Variants in SLC26A4 observed in about 807,000 individuals in gnomAD.
The protein encoded by SLC26A4 is solute carrier family 26 member 4.
SLC26A4 carries 93 observed loss-of-function variants against 90.4 expected under a neutral mutation model. The ratio of observed to expected loss-of-function variants is 1.03; its 90% CI spans 0.87 to 1.22. The LOEUF (loss-of-function observed/expected upper bound fraction) is 1.22, where lower values mean the gene tolerates loss of function less well. SLC26A4 is among the 50% of genes most tolerant of loss of function. The pLI is 0.00. For missense variants in SLC26A4, 1,127 were observed against 946.2 expected (o/e 1.19, Z -2.51); for synonymous variants, 393 against 354.6 (o/e 1.11, Z -1.22).
At chr7:107,676,216 A>C (rs1171135602) in intron 6 of SLC26A4, among the ~76,000 whole-genome samples, 1 of 152,212 alleles carries the variant, frequency 6.6e-6, no homozygotes, top group South Asian at 2.1e-4. Flanking sequence ...TATATGCCTC[A>C]TTGGATTGTT....
intron 10 of SLC26A4, among the ~76,000 whole-genome samples, chr7:107,692,475 T>A (rs1046946430): frequency 1.3e-5 from 2 of 152,204 alleles, no homozygotes; most frequent in African/African-American, 4.8e-5. Flanking sequence ...CCTTAGCACA[T>A]ACTTGTAAAT....
At chr7:107,690,385 C>T in intron 10 of SLC26A4, 148 bp downstream of exon 10, 1 of 672,490 alleles carries the variant, frequency 1.5e-6, no homozygotes, top group Admixed American at 2.2e-5. Flanking sequence ...TCCTCTTGTT[C>T]CACTCCCTCA....
intron 13 of SLC26A4, among the ~76,000 whole-genome samples, chr7:107,697,829 A>T (rs1057294266): frequency 1.3e-5 from 2 of 152,206 alleles, no homozygotes; most frequent in Non-Finnish European, 2.9e-5. Context: ...TCTCTCAGCC[A>T]TCAGAAGAGA....
At chr7:107,666,849 G>A (rs901147293) in intron 3 of SLC26A4, among the ~76,000 whole-genome samples, 2 of 152,142 alleles carry the variant, frequency 1.3e-5, no homozygotes, top group South Asian at 2.1e-4. Context: ...AAACTCATTT[G>A]CCTCACCCTA....
At chr7:107,696,466 G>A (rs140637596) in intron 13 of SLC26A4, among the ~76,000 whole-genome samples, 40 of 152,280 alleles carry the variant, frequency 2.6e-4, no homozygotes, top group African/African-American at 8.9e-4. Context: ...TAAGGCGCTC[G>A]GCCCCAGGCT....
intron 4 of SLC26A4, 80 bp from the exon 5 acceptor site, chr7:107,674,084 A>G (rs1790945466): frequency 1.0e-5 from 14 of 1,362,574 alleles, no homozygotes; most frequent in Middle Eastern, 2.2e-4. Context: ...AATCTTTTAT[A>G]CATTTTTTAA....
chr7:107,712,167 C>T (rs1190353195), intron 19 of SLC26A4, among the ~76,000 whole-genome samples: 1 of 152,196 alleles, frequency 6.6e-6, no homozygotes, highest in Non-Finnish European at 1.5e-5. Flanking sequence ...ACAAGCTCTT[C>T]ACTGTGCATT....
intron 6 of SLC26A4, among the ~76,000 whole-genome samples, chr7:107,677,589 A>T (rs2129312632): frequency 6.6e-6 from 1 of 151,512 alleles, no homozygotes; most frequent in African/African-American, 2.4e-5. Flanking sequence ...TCAAATCCTC[A>T]GTTTTCTATT....
At chr7:107,711,389 A>G (rs1397713411) in intron 19 of SLC26A4, among the ~76,000 whole-genome samples, 2 of 152,132 alleles carry the variant, frequency 1.3e-5, no homozygotes. Context: ...TCTTACTAAG[A>G]TTTTAGGCTA....
intron 10 of SLC26A4, among the ~76,000 whole-genome samples, chr7:107,692,738 CTT>C (rs1791609204): frequency 6.6e-6 from 1 of 152,202 alleles, no homozygotes; most frequent in Admixed American, 6.5e-5. Flanking sequence ...ACAAACCACT[CTT>C]TAGCTCTGAT....
chr7:107,678,198 T>C (rs1456003438), intron 6 of SLC26A4, among the ~76,000 whole-genome samples: 2 of 152,228 alleles, frequency 1.3e-5, no homozygotes, highest in Admixed American at 6.5e-5. Context: ...AAATGTTCAC[T>C]CATTTATTCC....
chr7:107,685,981 C>T (rs1177226258), intron 8 of SLC26A4, among the ~76,000 whole-genome samples: 4 of 150,958 alleles, frequency 2.6e-5, no homozygotes, highest in East Asian at 3.9e-4. Context: ...CCTGTCCTTG[C>T]CAGTTCCAGA....
At chr7:107,686,893 G>A (rs970015248) in intron 8 of SLC26A4, among the ~76,000 whole-genome samples, 1 of 152,182 alleles carries the variant, frequency 6.6e-6, no homozygotes, top group African/African-American at 2.4e-5. Context: ...TGTTTTTAAA[G>A]TATGTGCTTT....
chr7:107,701,012 C>T, intron 15 of SLC26A4, 89 bp from the exon 16 acceptor site: 3 of 830,666 alleles, frequency 3.6e-6, no homozygotes, highest in Non-Finnish European at 6.3e-6. Context: ...GAATTATACC[C>T]TTTGAGAAAT....
Position 107,674,215 on chromosome 7 carries a change from C to A in SLC26A4, c.467C>A (p.Ala156Asp). The A allele has an allele frequency of 6.2e-7, 1 of 1,614,020 alleles. No homozygotes were observed. The highest frequency in any genetic ancestry group is 1.3e-5 in the African/African-American group (1 of 75,014). The change falls in exon 5 of 21, where the codon GCC becomes GAC. Residue 156 changes from alanine to aspartate, a missense_variant. Ala to Asp is a moderately radical substitution (Grantham distance 126, BLOSUM62 -2). Coordinates refer to ENST00000644269, the MANE Select transcript of SLC26A4 (RefSeq NM_000441.2). ...LMVGSVVLSM[A>D]PDEHFLVSSS... ...GTGGGATCTGTTGTTCTGAGCATGG[C>A]CCCCGACGAACACTTTCTCGTATCC...
chr7:107,686,311 T>TCCCTTTCCTACCTGCACTCCCTTTCCTC (rs1554357912), intron 8 of SLC26A4, among the ~76,000 whole-genome samples: 1 of 124,122 alleles, frequency 8.1e-6, no homozygotes, highest in Non-Finnish European at 1.7e-5. Flanking sequence ...CTCCCTTCCC[T>TCCCTTTCCTACCTGCACTCCCTTTCCTC]CCCTTCCCTC....
rs746331884 is a variant in SLC26A4 at position 107,710,147 on chromosome 7, A to G, written c.2183A>G (p.Tyr728Cys). 1 of 1,609,218 alleles carries G rather than the reference A, an allele frequency of 6.2e-7. No individual in the cohort carries two copies. Among genetic ancestry groups the G allele is most frequent in the Admixed American group, 1.7e-5 (1 of 60,008 alleles). Residue 728 changes from tyrosine (Y) to cysteine (C), a missense_variant, in exon 19 of 21, where the codon TAT (tyrosine) becomes TGT (cysteine). Coordinates refer to ENST00000644269, the MANE Select transcript of SLC26A4 (RefSeq NM_000441.2). The part of the protein sequence containing the change: ...FFLTVHDAIL[Y>C]LQNQVKSQEG... ...TTGACGGTCCATGATGCTATACTCTATCTACAGAACCAAGTGAAATCTCAA... is the reference window on the plus strand; with the variant it reads ...TTGACGGTCCATGATGCTATACTCTGTCTACAGAACCAAGTGAAATCTCAA...
chr7:107,674,077 C>T, intron 4 of SLC26A4, 87 bp from the exon 5 acceptor site: 1 of 1,339,366 alleles, frequency 7.5e-7, no homozygotes, highest in Non-Finnish European at 1.1e-6. Flanking sequence ...ACAGCTAAAT[C>T]TTTTATACAT....
chr7:107,701,346 T>C, intron 16 of SLC26A4, 150 bp downstream of exon 16: 1 of 667,516 alleles, frequency 1.5e-6, no homozygotes. Context: ...GAGCTATTCT[T>C]ATAGGCAAGC....
Sources: gnomAD v4.1 joint callset for allele counts (sites outside exome capture counted in the v4.1 genomes callset) on GRCh38, gnomAD v4.1.1 for gene constraint, MANE v1.5 for transcripts, NCBI Gene and HGNC (gene_info 2026-07-23, HGNC 2026-07-21) for gene names.